KDM5C: variants seen among roughly 807,000 people sequenced by gnomAD.
The protein encoded by KDM5C is lysine-specific demethylase 5C.
KDM5C carries 16 observed loss-of-function variants against 110.6 expected under a neutral mutation model. The observed-to-expected ratio is 0.14, with a 90% confidence interval of 0.10 to 0.22. The LOEUF (loss-of-function observed/expected upper bound fraction) is 0.22. Among genes scored for constraint, KDM5C ranks in the 10% least tolerant of loss-of-function variants. The probability of loss-of-function intolerance (pLI) is 1.00; values close to 1 mark genes in which losing one functional copy is unlikely to be tolerated. For missense variants in KDM5C, 681 were observed against 1,300.9 expected (o/e 0.52, Z 7.33); for synonymous variants, 511 against 520.4 (o/e 0.98, Z 0.24).
In KDM5C at chrX:53,192,842, GC is replaced by G; in HGVS notation, c.*124del. The G allele has an allele frequency of 9.4e-7, 1 of 1,065,902 alleles. No homozygotes were observed. The highest frequency in any genetic ancestry group is 1.2e-6 in the Non-Finnish European group (1 of 802,909). The allele number at this position is 1,065,902 out of a possible 1,213,427, so 87.8% of individuals were successfully genotyped here. A position where few individuals can be genotyped will look rare whatever the true frequency, so the allele number is the denominator to read the frequency against. ...CAAAAGTCAAGGGACTCAGGGGTGG[GC>G]GGGTAGCAGGGATGGCCACCCCCCT... On this transcript the variant is annotated 3_prime_UTR_variant, in exon 26 of 26. Transcript: ENST00000375401.
chrX:53,205,038 C>T (rs1286964475), intron 12 of KDM5C, among the ~76,000 whole-genome samples: 6 of 111,661 alleles, frequency 5.4e-5, no homozygotes, highest in Non-Finnish European at 1.1e-4. Context: ...ATTTTTTTCA[C>T]GTTAAAAAAT....
chrX:53,219,157 G>C (rs986500354), intron 2 of KDM5C, among the ~76,000 whole-genome samples: 1 of 112,391 alleles, frequency 8.9e-6, no homozygotes, highest in Non-Finnish European at 1.9e-5. Context: ...TTCCACTGTG[G>C]ACTCCTTTTT....
Position 53,218,362 on chromosome X carries a change from T to G in KDM5C, c.265A>C (p.Ile89Leu), listed in dbSNP as rs1167217624. 8.3e-7 allele frequency: 1 copy of G among 1,209,176 alleles called. No individual in the cohort carries two copies. The highest frequency in any genetic ancestry group is 1.8e-5 in the African/African-American group (1 of 56,991). Residue 89 changes from isoleucine (I) to leucine (L), a missense_variant, in exon 3 of 26, where the codon ATT (isoleucine) becomes CTT (leucine). Physicochemically the swap from Ile to Leu is conservative, Grantham distance 5 (BLOSUM62 2). Around this residue, in one of 14 missense-constraint regions of KDM5C, gnomAD observed 2 missense variants for 38.4 expected, o/e 0.05. Coordinates refer to ENST00000375401, the MANE Select transcript of KDM5C (RefSeq NM_004187.5). ...TRVKLNYLDQ[I>L]AKFWEIQGSS... ...CCCTGGATTTCCCAGAATTTGGCAA[T>G]CTGGTCCAAGTAGTTCAGTTTCACT...
Position 53,224,752 on chromosome X carries a change from G to A in KDM5C, c.138C>T (p.Ile46=). ...PIAEKSGICK[I]RPPADWQPPF... Reference sequence around the variant, plus strand: ...CCCCGGGGCTTACCGCGGGTGGGCGGATCTTGCAAATGCCCGATTTCTCTG... The same window carrying A: ...CCCCGGGGCTTACCGCGGGTGGGCGAATCTTGCAAATGCCCGATTTCTCTG... The change falls in exon 1 of 26, where the codon ATC becomes ATT. Residue 46 remains isoleucine (I), a synonymous_variant. Coordinates refer to ENST00000375401, the MANE Select transcript of KDM5C (RefSeq NM_004187.5). The A allele has an allele frequency of 8.3e-7, 1 of 1,211,872 alleles. No homozygotes were observed. Among genetic ancestry groups the A allele is most frequent in the Admixed American group, 2.2e-5 (1 of 46,127 alleles).
chrX:53,192,671 A>C lies in KDM5C; in HGVS notation c.*296T>G. 59 of 885,158 alleles carry C rather than the reference A, an allele frequency of 6.7e-5. No homozygotes were observed. Among genetic ancestry groups the C allele is most frequent in the Non-Finnish European group, 8.6e-5 (54 of 625,582 alleles). 72.9% of individuals were successfully genotyped at this position (885,158 alleles called of 1,213,427 possible). The stretch of plus-strand genomic sequence containing the variant: ...CTTGTCTCTGGAATGGTGATGGCCC[A>C]GCCCCAGCCACCCCCCTGCCCACCA... On this transcript the variant is annotated 3_prime_UTR_variant, in exon 26 of 26. Coordinates refer to ENST00000375401, the MANE Select transcript of KDM5C (RefSeq NM_004187.5).
downstream of KDM5C, among the ~76,000 whole-genome samples, chrX:53,190,486 C>T (rs1556829715): frequency 1.8e-5 from 2 of 112,378 alleles, no homozygotes; most frequent in African/African-American, 6.5e-5. Flanking sequence ...TGGCTGACTG[C>T]CTTGGCAGTG....
chrX:53,218,637 G>A (rs782567774), intron 2 of KDM5C: 2 of 459,733 alleles, frequency 4.4e-6, no homozygotes, highest in Admixed American at 2.8e-5. Context: ...ATGGAGTGGT[G>A]CAATCACGGC....
At chrX:53,202,244 A>G (rs1556842503) in intron 12 of KDM5C, 1 of 315,509 alleles carries the variant, frequency 3.2e-6, no homozygotes, top group Non-Finnish European at 5.6e-6. Context: ...AAAATTATAA[A>G]TATCACTTTT....
chrX:53,222,185 C>A (rs1271527426), intron 1 of KDM5C, among the ~76,000 whole-genome samples: 1 of 110,204 alleles, frequency 9.1e-6, no homozygotes, highest in Non-Finnish European at 1.9e-5. Context: ...TACATGCATA[C>A]ACGTGGGCGG....
intron 18 of KDM5C, among the ~76,000 whole-genome samples, chrX:53,197,478 C>T (rs981676448): frequency 1.8e-5 from 2 of 109,808 alleles, no homozygotes; most frequent in African/African-American, 6.7e-5. Context: ...AATTTCCCTC[C>T]ACTTTCCAAG....
intron 9 of KDM5C, 41 bp from the exon 10 acceptor site, chrX:53,211,696 C>T (rs1239795401): frequency 8.3e-7 from 1 of 1,207,667 alleles, no homozygotes; most frequent in Non-Finnish European, 1.1e-6. Context: ...GCCCATCACA[C>T]CCTGGACCCA....
intron 1 of KDM5C, among the ~76,000 whole-genome samples, 159 bp from the exon 2 acceptor site, chrX:53,221,075 A>ACCCCCCCCCC (rs2073885401): frequency 1.2e-4 from 1 of 8,251 alleles, no homozygotes; most frequent in African/African-American, 4.5e-4. Flanking sequence ...ACCCACCCCC[A>ACCCCCCCCCC]CCTCCCCCCA....
rs200521859 is a variant in KDM5C at position 53,220,832 on chromosome X, T to A, written c.228+7A>T. On this transcript the variant is annotated splice_region_variant and intron_variant, in intron 2 of 25. Coordinates refer to ENST00000375401, the MANE Select transcript of KDM5C (RefSeq NM_004187.5). ...CCAACCCCACCACCAGCTCCTAGTCTTCTCACCTCTAGCTCATTCAGCCTC... is the reference window on the plus strand; with the variant it reads ...CCAACCCCACCACCAGCTCCTAGTCATCTCACCTCTAGCTCATTCAGCCTC... 2 of 1,200,820 alleles carry A rather than the reference T, an allele frequency of 1.7e-6. No individual in the cohort carries two copies. The highest frequency in any genetic ancestry group is 5.9e-5 in the East Asian group (2 of 33,732).
chrX:53,196,210 G>A (rs1934841014), intron 19 of KDM5C, among the ~76,000 whole-genome samples, 156 bp from the exon 20 acceptor site: 1 of 112,637 alleles, frequency 8.9e-6, no homozygotes, highest in South Asian at 3.7e-4. Context: ...AAGGGTAGCT[G>A]CCAGTCCCTG....
At chrX:53,180,345 ATGG>A (rs1933999682) in intron 25 of KDM5C, among the ~76,000 whole-genome samples, 1 of 111,524 alleles carries the variant, frequency 9.0e-6, no homozygotes, top group Non-Finnish European at 1.9e-5. Flanking sequence ...TGATACTATA[ATGG>A]TGGATACATG....
chrX:53,192,882 C>CCCCCCCCACA lies in KDM5C; in HGVS notation c.*84_*85insTGTGGGGGGG. ...GGCCACCCCCCTACCCGCCCACCCC[C>CCCCCCCCACA]CAAGAAGCAGGCTTGATGGTCAGAA... On this transcript the variant is annotated 3_prime_UTR_variant, in exon 26 of 26. Coordinates refer to ENST00000375401, the MANE Select transcript of KDM5C (RefSeq NM_004187.5). The CCCCCCCCACA allele has an allele frequency of 1.9e-6, 2 of 1,061,087 alleles. No homozygotes were observed. The highest frequency in any genetic ancestry group is 2.5e-6 in the Non-Finnish European group (2 of 808,039). The allele number at this position is 1,061,087 out of a possible 1,213,427, so 87.4% of individuals were successfully genotyped here. A position where few individuals can be genotyped will look rare whatever the true frequency, so the allele number is the denominator to read the frequency against.
chrX:53,179,230 G>T (rs782622158), intron 25 of KDM5C, among the ~76,000 whole-genome samples: 1 of 10,793 alleles, frequency 9.3e-5, no homozygotes, highest in Non-Finnish European at 2.4e-4. Context: ...GCAAAACTCC[G>T]TCTCAAAAAA....
chrX:53,196,588 G>T, intron 19 of KDM5C, 98 bp downstream of exon 19: 1 of 684,296 alleles, frequency 1.5e-6, no homozygotes, highest in Non-Finnish European at 2.3e-6. Context: ...ACACAGGAGC[G>T]TGATACCTAA....
chrX:53,188,453 G>A (rs369053732), downstream of KDM5C, among the ~76,000 whole-genome samples: 26 of 108,448 alleles, frequency 2.4e-4, no homozygotes, highest in African/African-American at 8.1e-4. Flanking sequence ...TTGGCTCACC[G>A]CAACCTCTGC....
Sources: allele counts gnomAD v4.1 joint callset (sites outside exome capture counted in the v4.1 genomes callset), GRCh38; gene constraint gnomAD v4.1.1; regional missense constraint gnomAD v4.1.1; transcripts MANE v1.5; gene names NCBI Gene and HGNC (gene_info 2026-07-23, HGNC 2026-07-21).